NELL1: variants seen among roughly 807,000 people sequenced by gnomAD.
NELL1 encodes neural EGFL like 1.
In NELL1, 76 loss-of-function variants were observed where a neutral mutation model predicts 107.4. The observed-to-expected ratio is 0.71, with a 90% CI of 0.59 to 0.86. The LOEUF (loss-of-function observed/expected upper bound fraction) is 0.86, where lower values mean the gene tolerates loss of function less well. Ranked by LOEUF, NELL1 falls within the 40% of genes least tolerant of loss-of-function variation. NELL1 has a pLI of 0.00. For missense variants in NELL1, 1,024 were observed against 1,005.5 expected, an observed-to-expected ratio of 1.02 and a Z score of -0.25; for synonymous variants, 353 against 341.2, an observed-to-expected ratio of 1.03 and a Z score of -0.38.
intron 2 of NELL1, among the ~76,000 whole-genome samples, chr11:20,762,816 T>C: frequency 6.6e-6 from 1 of 152,186 alleles, no homozygotes; most frequent in Admixed American, 6.5e-5. Context: ...ACATGGGGTC[T>C]GGATCATTTG....
intron 15 of NELL1, 110 bp downstream of exon 15, chr11:21,371,058 A>G: frequency 1.2e-6 from 1 of 829,246 alleles, no homozygotes; most frequent in South Asian, 1.8e-5. Context: ...GACTTGATAC[A>G]TTGTGTTGTG....
At chr11:21,343,586 G>T (rs1425987960) in intron 14 of NELL1, among the ~76,000 whole-genome samples, 2 of 152,098 alleles carry the variant, frequency 1.3e-5, no homozygotes, top group African/African-American at 4.8e-5. Context: ...CCATGGGTGG[G>T]CAAACTTCTT....
At chr11:21,123,452 G>C (rs1855418546) in intron 13 of NELL1, among the ~76,000 whole-genome samples, 1 of 151,728 alleles carries the variant, frequency 6.6e-6, no homozygotes, top group Non-Finnish European at 1.5e-5. Flanking sequence ...TTAATAAAAA[G>C]AAATGCAAAT....
At chr11:21,546,212 G>T (rs1051146447) in intron 16 of NELL1, among the ~76,000 whole-genome samples, 2 of 151,952 alleles carry the variant, frequency 1.3e-5, no homozygotes, top group Admixed American at 6.6e-5. Context: ...TCTTCCTGAA[G>T]ATTTATAATT....
At chr11:21,362,898 G>A (rs1022946027) in intron 14 of NELL1, among the ~76,000 whole-genome samples, 1 of 152,104 alleles carries the variant, frequency 6.6e-6, no homozygotes, top group Non-Finnish European at 1.5e-5. Flanking sequence ...GGTCAATGGG[G>A]TTATGTTCCA....
chr11:21,308,629 A>T (rs1049490033), intron 14 of NELL1, among the ~76,000 whole-genome samples: 2 of 151,948 alleles, frequency 1.3e-5, no homozygotes, highest in African/African-American at 4.8e-5. Flanking sequence ...CTCAATTTTT[A>T]AATTTCATTC....
At chr11:21,550,459 T>C (rs1856552230) in intron 16 of NELL1, among the ~76,000 whole-genome samples, 1 of 151,976 alleles carries the variant, frequency 6.6e-6, no homozygotes, top group Non-Finnish European at 1.5e-5. Flanking sequence ...TCTTCTAGGG[T>C]TTTTATGCTT....
intron 15 of NELL1, among the ~76,000 whole-genome samples, chr11:21,381,743 T>G (rs2133769230): frequency 6.6e-6 from 1 of 152,008 alleles, no homozygotes; most frequent in South Asian, 2.1e-4. Context: ...TGTATCATCT[T>G]TCCAGCTCTA....
chr11:20,681,878 TGTC>T (rs1854198169), intron 2 of NELL1, among the ~76,000 whole-genome samples: 1 of 152,194 alleles, frequency 6.6e-6, no homozygotes, highest in Admixed American at 6.6e-5. Context: ...CGACTTCTGT[TGTC>T]ACATTTCCTT....
At chr11:20,694,983 A>C (rs1297106664) in intron 2 of NELL1, among the ~76,000 whole-genome samples, 1 of 152,034 alleles carries the variant, frequency 6.6e-6, no homozygotes, top group East Asian at 1.9e-4. Flanking sequence ...AGTGTTTTAT[A>C]GTTCTCCTTG....
At chr11:21,444,954 A>T (rs906500401) in intron 15 of NELL1, among the ~76,000 whole-genome samples, 4 of 152,034 alleles carry the variant, frequency 2.6e-5, no homozygotes, top group African/African-American at 9.7e-5. Context: ...TAGATTTGAG[A>T]TTACCATGAG....
chr11:21,301,497 G>T (rs552757150), intron 14 of NELL1, among the ~76,000 whole-genome samples: 1 of 152,306 alleles, frequency 6.6e-6, no homozygotes, highest in South Asian at 2.1e-4. Flanking sequence ...GATGACCAGT[G>T]ATGATGAGCA....
intron 13 of NELL1, among the ~76,000 whole-genome samples, chr11:21,137,945 G>A (rs1199193553): frequency 2.6e-5 from 4 of 152,072 alleles, no homozygotes; most frequent in East Asian, 1.9e-4. Context: ...GAAAACCAGC[G>A]CTACCCTATG....
At chr11:21,114,248 C>T (rs1855178176) in intron 13 of NELL1, among the ~76,000 whole-genome samples, 2 of 151,952 alleles carry the variant, frequency 1.3e-5, no homozygotes, top group South Asian at 4.1e-4. Flanking sequence ...TGGTCACTGA[C>T]TCTGTTGGAG....
At chr11:21,001,904 C>T (rs566296103) in intron 12 of NELL1, among the ~76,000 whole-genome samples, 5 of 152,132 alleles carry the variant, frequency 3.3e-5, no homozygotes, top group East Asian at 1.9e-4. Flanking sequence ...TGGAAACAGC[C>T]GTAGGCAGCA....
At chr11:21,480,830 A>G (rs1346992419) in intron 15 of NELL1, among the ~76,000 whole-genome samples, 3 of 152,174 alleles carry the variant, frequency 2.0e-5, no homozygotes, top group East Asian at 1.9e-4. Flanking sequence ...TTTGTGCTCA[A>G]TATGTCCCTA....
chr11:21,204,304 G>C (rs953464577), intron 13 of NELL1, among the ~76,000 whole-genome samples: 1 of 151,704 alleles, frequency 6.6e-6, no homozygotes, highest in Non-Finnish European at 1.5e-5. Context: ...GGCTTTATTC[G>C]TTCCTTTTCA....
intron 13 of NELL1, among the ~76,000 whole-genome samples, chr11:21,116,832 C>A (rs192875129): frequency 6.6e-6 from 1 of 151,928 alleles, no homozygotes; most frequent in Non-Finnish European, 1.5e-5. Context: ...CAGTCTTGTT[C>A]CATCATAACC....
chr11:21,133,651 C>T (rs1855675735), intron 13 of NELL1, among the ~76,000 whole-genome samples: 1 of 148,614 alleles, frequency 6.7e-6, no homozygotes, highest in Non-Finnish European at 1.5e-5. Context: ...CAAAAGCACC[C>T]AGGTTTGGCC....
Sources: gnomAD v4.1 joint callset for allele counts (sites outside exome capture counted in the v4.1 genomes callset) on GRCh38, gnomAD v4.1.1 for gene constraint, MANE v1.5 for transcripts, NCBI Gene and HGNC (gene_info 2026-07-23, HGNC 2026-07-21) for gene names.